The following ZBTB7B variants were observed in gnomAD, a reference collection of about 807,000 sequenced individuals.
ZBTB7B encodes zinc finger and BTB domain-containing protein 7B.
ZBTB7B carries 8 observed loss-of-function variants against 31.0 expected under a neutral mutation model. The observed-to-expected ratio is 0.26, with a 90% CI of 0.15 to 0.47. The LOEUF (loss-of-function observed/expected upper bound fraction) is 0.47. Ranked by LOEUF, ZBTB7B falls within the 20% of genes least tolerant of loss-of-function variation. The pLI is 0.99. For synonymous variants in ZBTB7B, 261 were observed against 307.3 expected, an observed-to-expected ratio of 0.85 and a Z score of 1.58; for missense variants, 494 against 742.4, an observed-to-expected ratio of 0.67 and a Z score of 3.89.
At chr1:155,008,386 C>T (rs1658701450) in intron 1 of ZBTB7B, among the ~76,000 whole-genome samples, 2 of 152,188 alleles carry the variant, frequency 1.3e-5, no homozygotes, top group South Asian at 4.1e-4. Flanking sequence ...ATTCGGCCAG[C>T]TCCCAGGGGG....
In ZBTB7B at chr1:155,015,542, C is replaced by G. The variant is rs1163004083; in HGVS notation, c.882C>G (p.Gly294=). ...CAGCCTATGGGCTGGCGCAGGGTGGCGGGCCCCCGCTGTCCCCAGAGGAGC... is the reference window on the plus strand; with the variant it reads ...CAGCCTATGGGCTGGCGCAGGGTGGGGGGCCCCCGCTGTCCCCAGAGGAGC... ...YPPAYGLAQG[G]GPPLSPEELG... Residue 294 remains glycine (G), a synonymous_variant, in exon 2 of 3, where the codon GGC becomes GGG. Transcript: ENST00000535420. The G allele has an allele frequency of 6.2e-7, 1 of 1,613,658 alleles. No homozygotes were observed. The highest frequency in any genetic ancestry group is 8.5e-7 in the Non-Finnish European group (1 of 1,179,926).
intron 1 of ZBTB7B, chr1:155,011,041 G>T: frequency 6.6e-7 from 1 of 1,519,848 alleles, no homozygotes; most frequent in East Asian, 2.4e-5. Flanking sequence ...CCTGGGGAGG[G>T]GGGGCTCTGC....
chr1:155,005,291 A>G (rs572896995), intron 1 of ZBTB7B, among the ~76,000 whole-genome samples: 1 of 152,204 alleles, frequency 6.6e-6, no homozygotes, highest in South Asian at 2.1e-4. Context: ...TGGGGAGGAA[A>G]GGGAAGTAGG....
At position 155,015,538 on chromosome 1, in the gene ZBTB7B, G is replaced by A. The variant is rs1427907513; in HGVS notation, c.878G>A (p.Gly293Asp). ...CCCCCAGCCTATGGGCTGGCGCAGG[G>A]TGGCGGGCCCCCGCTGTCCCCAGAG... ...VYPPAYGLAQ[G>D]GGPPLSPEEL... is the part of the protein sequence containing the mutation. Residue 293 changes from glycine to aspartate, a missense_variant, in exon 2 of 3, where the codon GGT (glycine) becomes GAT (aspartate). Around this residue, in one of 5 missense-constraint regions of ZBTB7B, gnomAD observed 216 missense variants for 229.3 expected, o/e 0.94. Transcript: ENST00000535420. 1.9e-6 allele frequency: 3 copies of A among 1,613,824 alleles called. No individual in the cohort carries two copies.
intron 1 of ZBTB7B, among the ~76,000 whole-genome samples, chr1:155,011,248 C>T (rs1658952766): frequency 6.6e-6 from 1 of 152,262 alleles, no homozygotes; most frequent in African/African-American, 2.4e-5. Flanking sequence ...CTTCGTGGCC[C>T]CCAGCCCTGC....
intron 1 of ZBTB7B, chr1:155,011,097 TG>T: frequency 8.1e-7 from 1 of 1,228,330 alleles, no homozygotes; most frequent in South Asian, 1.3e-5. Context: ...CTGCTAATCC[TG>T]GTTCCGCCTG....
intron 1 of ZBTB7B, chr1:155,010,813 G>T (rs563345961): frequency 3.2e-6 from 3 of 923,472 alleles, no homozygotes; most frequent in East Asian, 5.3e-5. Context: ...GTTGGGGTGG[G>T]GGGGTGGAGG....
intron 1 of ZBTB7B, among the ~76,000 whole-genome samples, chr1:155,005,846 G>T (rs1658526483): frequency 6.6e-6 from 1 of 152,178 alleles, no homozygotes; most frequent in South Asian, 2.1e-4. Flanking sequence ...TTGCCTCGCT[G>T]CCCCCTCCCC....
chr1:155,016,625 CGAT>C lies in ZBTB7B; in HGVS notation c.1563_1565del (p.Asp521del), dbSNP rs1659433846. ...TCTCTACCCCAGGGCCCCCTGATGA[CGAT>C]GAGGAGGAAGGGGCACCCACCACAC... On this transcript the variant is annotated inframe_deletion, in exon 3 of 3. Transcript: ENST00000535420. The surrounding 1 kb of genome is among the most constrained non-coding windows in gnomAD (Gnocchi z 4.3). 2.5e-6 allele frequency: 4 copies of C among 1,608,836 alleles called. No homozygotes were observed. Among genetic ancestry groups the C allele is most frequent in the Non-Finnish European group, 1.7e-6 (2 of 1,177,102 alleles).
intron 1 of ZBTB7B, among the ~76,000 whole-genome samples, chr1:155,008,236 C>T (rs1658686631): frequency 6.6e-6 from 1 of 152,192 alleles, no homozygotes; most frequent in African/African-American, 2.4e-5. Flanking sequence ...ATGAGTGCTG[C>T]CCCCTGGCCT....
chr1:155,013,037 C>G (rs114503694), intron 1 of ZBTB7B, among the ~76,000 whole-genome samples: 2 of 152,246 alleles, frequency 1.3e-5, no homozygotes, highest in Non-Finnish European at 2.9e-5. Context: ...GGGAGGGAGG[C>G]AGACCTGTCC....
Position 155,018,487 on chromosome 1 carries a change from T to A in ZBTB7B, c.*1802T>A. ...CACCCCAACTCCCCCACCTCGGGTG[T>A]AAGCGACAGGAAGAAATAATAATAA... On this transcript the variant is annotated 3_prime_UTR_variant, in exon 3 of 3. Coordinates refer to ENST00000535420, the MANE Select transcript of ZBTB7B (RefSeq NM_001256455.2). 6.5e-7 allele frequency: 1 copy of A among 1,528,306 alleles called. No homozygotes were observed. Among genetic ancestry groups the A allele is most frequent in the Non-Finnish European group, 8.9e-7 (1 of 1,122,620 alleles). 94.7% of individuals were successfully genotyped at this position (1,528,306 alleles called of 1,614,324 possible). A position where few individuals can be genotyped will look rare whatever the true frequency, so the allele number is the denominator to read the frequency against.
chr1:155,015,913 T>C, intron 2 of ZBTB7B, 99 bp downstream of exon 2: 1 of 1,466,992 alleles, frequency 6.8e-7, no homozygotes. Context: ...TGGTGGTAGG[T>C]GGTCCTGGAG....
At chr1:155,001,895 C>T (rs575319995), upstream of ZBTB7B, among the ~76,000 whole-genome samples, 1 of 151,964 alleles carries the variant, frequency 6.6e-6, no homozygotes, top group East Asian at 2.0e-4. This position sits in a 1 kb window ranked among gnomAD's most constrained non-coding sequence, Gnocchi z 4.8. Flanking sequence ...GGCCTGGTGG[C>T]TCCCCCTCCC....
chr1:155,008,772 C>T (rs1658730326), intron 1 of ZBTB7B, among the ~76,000 whole-genome samples: 1 of 152,186 alleles, frequency 6.6e-6, no homozygotes, highest in South Asian at 2.1e-4. Flanking sequence ...CCGGTAACCC[C>T]TCCCTCCAAG....
At chr1:155,014,569 C>T in intron 1 of ZBTB7B, 86 bp from the exon 2 acceptor site, 1 of 1,253,244 alleles carries the variant, frequency 8.0e-7, no homozygotes, top group Non-Finnish European at 1.1e-6. Flanking sequence ...AGTCATCCCT[C>T]AATAAGTATT....
rs1348050498 is a variant in ZBTB7B at position 155,003,747 on chromosome 1, G to C, written c.-7+804G>C. On this transcript the variant is annotated intron_variant, in intron 1 of 2. Transcript: ENST00000535420. This position sits in a 1 kb window ranked among gnomAD's most constrained non-coding sequence, Gnocchi z 5.8. Reference sequence around the variant, plus strand: ...CCAGCCCAGAGTGGGGGTCGCTACTGTGTTGTTGTAGAACCTACAGAGTGC... The same window carrying C: ...CCAGCCCAGAGTGGGGGTCGCTACTCTGTTGTTGTAGAACCTACAGAGTGC... Among the ~76,000 whole-genome samples the C allele has an allele frequency of 6.6e-6, 1 of 152,226 alleles. No individual in the cohort carries two copies. The highest frequency in any genetic ancestry group is 1.5e-5 in the Non-Finnish European group (1 of 68,036).
chr1:155,007,843 T>C (rs566011236), intron 1 of ZBTB7B, among the ~76,000 whole-genome samples: 37 of 151,960 alleles, frequency 2.4e-4, no homozygotes, highest in African/African-American at 8.4e-4. Flanking sequence ...CCAGCAGCTG[T>C]TGGGGGAAAG....
intron 1 of ZBTB7B, among the ~76,000 whole-genome samples, chr1:155,011,287 GA>G (rs982528106): frequency 1.6e-4 from 24 of 152,234 alleles, no homozygotes; most frequent in Non-Finnish European, 2.6e-4. Context: ...TCAGCACCCG[GA>G]AAGAGTTCCC....
Sources: gnomAD v4.1 joint callset for allele counts (sites outside exome capture counted in the v4.1 genomes callset) on GRCh38, gnomAD v4.1.1 for gene constraint, gnomAD v4.1.1 regional missense constraint, Gnocchi (gnomAD v3.1) non-coding constraint, MANE v1.5 for transcripts, NCBI Gene and HGNC (gene_info 2026-07-23, HGNC 2026-07-21) for gene names.